IRF2: variants seen among roughly 807,000 people sequenced by gnomAD.
IRF2 encodes interferon regulatory factor 2.
A neutral mutation model predicts 40.6 loss-of-function variants in IRF2; 15 were observed. The ratio of observed to expected loss-of-function variants is 0.37; its 90% CI spans 0.25 to 0.57. The LOEUF (loss-of-function observed/expected upper bound fraction) is 0.57, where lower values mean the gene tolerates loss of function less well. IRF2 is among the 20% of genes least tolerant of loss of function. The pLI, the probability that IRF2 is intolerant of heterozygous loss-of-function variation, is 0.77. For synonymous variants in IRF2, 151 were observed against 165.5 expected, an observed-to-expected ratio of 0.91 and a Z score of 0.67; for missense variants, 317 against 455.7, an observed-to-expected ratio of 0.70 and a Z score of 2.77.
chr4:184,449,081 GA>G (rs1414408326), intron 1 of IRF2: 1 of 152,748 alleles, frequency 6.5e-6, no homozygotes, highest in Non-Finnish European at 1.5e-5. Context: ...CAGGGGTGAA[GA>G]ACCGATCCTT....
intron 7 of IRF2, among the ~76,000 whole-genome samples, chr4:184,395,337 C>T (rs965300688): frequency 7.7e-6 from 1 of 130,594 alleles, no homozygotes; most frequent in Non-Finnish European, 1.5e-5. Context: ...GGCGTGAACC[C>T]GGGAGGTGGA....
At chr4:184,438,101 C>G (rs959871735) in intron 1 of IRF2, among the ~76,000 whole-genome samples, 4 of 152,158 alleles carry the variant, frequency 2.6e-5, no homozygotes. Flanking sequence ...AGAGCCTGAC[C>G]CTCAGCCCAA....
At chr4:184,457,016 C>A (rs1738965927) in intron 1 of IRF2, among the ~76,000 whole-genome samples, 1 of 152,214 alleles carries the variant, frequency 6.6e-6, no homozygotes, top group Non-Finnish European at 1.5e-5. Context: ...ACCTGATGGC[C>A]ACATCTCCCC....
At chr4:184,420,361 C>G (rs1737439636) in intron 2 of IRF2, among the ~76,000 whole-genome samples, 1 of 152,210 alleles carries the variant, frequency 6.6e-6, no homozygotes, top group Non-Finnish European at 1.5e-5. Context: ...GCCACTGTCA[C>G]AGAAACCAAA....
chr4:184,459,065 C>G (rs993515403), intron 1 of IRF2, among the ~76,000 whole-genome samples: 1 of 151,848 alleles, frequency 6.6e-6, no homozygotes, highest in African/African-American at 2.4e-5. Flanking sequence ...GCTGTTTTTA[C>G]TAATCTTTAT....
At chr4:184,425,826 A>G (rs1737648739) in intron 2 of IRF2, among the ~76,000 whole-genome samples, 1 of 152,244 alleles carries the variant, frequency 6.6e-6, no homozygotes, top group African/African-American at 2.4e-5. Context: ...AGAGTCCCAG[A>G]AAGGAAGTGA....
chr4:184,472,676 G>C (rs2149922130), intron 1 of IRF2: 1 of 152,364 alleles, frequency 6.6e-6, no homozygotes, highest in African/African-American at 2.4e-5. Flanking sequence ...AGGTTGAAGA[G>C]GGAGGGGGCG....
intron 1 of IRF2, among the ~76,000 whole-genome samples, chr4:184,434,255 T>C (rs569928673): frequency 5.9e-5 from 9 of 152,288 alleles, no homozygotes; most frequent in Middle Eastern, 3.4e-3. Flanking sequence ...AATCAGGACA[T>C]TGTGTCGCGA....
At chr4:184,430,579 G>C (rs1462996995) in intron 1 of IRF2, among the ~76,000 whole-genome samples, 4 of 152,162 alleles carry the variant, frequency 2.6e-5, no homozygotes, top group African/African-American at 9.7e-5. Flanking sequence ...CATTGCTTTA[G>C]GGCAGTTGTT....
At chr4:184,437,396 A>G (rs956563533) in intron 1 of IRF2, among the ~76,000 whole-genome samples, 1 of 152,028 alleles carries the variant, frequency 6.6e-6, no homozygotes, top group Non-Finnish European at 1.5e-5. Flanking sequence ...GGGTTTCACT[A>G]CCTATGTTGC....
intron 1 of IRF2, among the ~76,000 whole-genome samples, chr4:184,442,563 C>G (rs778583628): frequency 2.0e-5 from 3 of 152,116 alleles, no homozygotes; most frequent in Non-Finnish European, 4.4e-5. Context: ...AGAAGACAAA[C>G]GCGCCACTAT....
intron 7 of IRF2, among the ~76,000 whole-genome samples, chr4:184,391,895 A>G (rs1262936597): frequency 6.6e-6 from 1 of 152,128 alleles, no homozygotes; most frequent in East Asian, 1.9e-4. Context: ...GCCACCATCT[A>G]AGAGGATTAC....
intron 8 of IRF2, among the ~76,000 whole-genome samples, chr4:184,390,155 GA>G (rs1169171951): frequency 6.6e-6 from 1 of 152,130 alleles, no homozygotes; most frequent in Non-Finnish European, 1.5e-5. Flanking sequence ...TGGCCAGCAG[GA>G]ATGCTTTCCA....
intron 1 of IRF2, among the ~76,000 whole-genome samples, chr4:184,437,968 C>T (rs1009840057): frequency 6.6e-6 from 1 of 152,138 alleles, no homozygotes; most frequent in African/African-American, 2.4e-5. Flanking sequence ...CTCACAACGA[C>T]TTCTGTGTGC....
chr4:184,440,910 G>C (rs1371323633), intron 1 of IRF2, among the ~76,000 whole-genome samples: 1 of 152,162 alleles, frequency 6.6e-6, no homozygotes, highest in African/African-American at 2.4e-5. Context: ...AGATCTCTGG[G>C]ATACCCAAAA....
chr4:184,433,124 G>T (rs546339224), intron 1 of IRF2, among the ~76,000 whole-genome samples: 4 of 152,256 alleles, frequency 2.6e-5, no homozygotes, highest in Non-Finnish European at 4.4e-5. Context: ...AGAGGAAACC[G>T]AAGGATTTTA....
intron 5 of IRF2, among the ~76,000 whole-genome samples, chr4:184,411,214 T>C (rs1017786001): frequency 4.6e-5 from 7 of 152,056 alleles, no homozygotes; most frequent in African/African-American, 1.7e-4. Flanking sequence ...CCTGCCACCA[T>C]GCCGGGCTAA....
At chr4:184,436,342 TA>T in intron 1 of IRF2, among the ~76,000 whole-genome samples, 1 of 152,326 alleles carries the variant, frequency 6.6e-6, no homozygotes, top group African/African-American at 2.4e-5. Flanking sequence ...CACACATTGT[TA>T]CAAGGAACTG....
chr4:184,467,376 A>T (rs1328473902), intron 1 of IRF2, among the ~76,000 whole-genome samples: 2 of 152,018 alleles, frequency 1.3e-5, no homozygotes, highest in Admixed American at 6.6e-5. Context: ...CCCATCCCCC[A>T]ACTCTCACTT....
Sources: allele counts gnomAD v4.1 joint callset (sites outside exome capture counted in the v4.1 genomes callset), GRCh38; gene constraint gnomAD v4.1.1; transcripts MANE v1.5; gene names NCBI Gene and HGNC (gene_info 2026-07-23, HGNC 2026-07-21).